The following SLC14A2 variants were observed in gnomAD, a reference collection of about 807,000 sequenced individuals.
SLC14A2 encodes solute carrier family 14 member 2.
Under a neutral mutation model 104.6 loss-of-function variants are expected in SLC14A2, and 91 were observed. The ratio of observed to expected loss-of-function variants is 0.87; its 90% confidence interval spans 0.73 to 1.04. The LOEUF is 1.04. SLC14A2 is among the 50% of genes least tolerant of loss of function. SLC14A2 has a pLI of 0.00. For missense variants in SLC14A2, 1,189 were observed against 1,156.0 expected, an observed-to-expected ratio of 1.03 and a Z score of -0.41; for synonymous variants, 476 against 466.4, an observed-to-expected ratio of 1.02 and a Z score of -0.27.
chr18:45,483,391 C>T (rs1320532328), intron 2 of SLC14A2: 1 of 152,124 alleles, frequency 6.6e-6, no homozygotes, highest in African/African-American at 2.4e-5. Context: ...AATAATTAAA[C>T]CATAAAAAAC....
intron 2 of SLC14A2, among the ~76,000 whole-genome samples, chr18:45,607,398 A>AT (rs1427935126): frequency 1.3e-5 from 2 of 152,184 alleles, no homozygotes. Context: ...TCTCTACATG[A>AT]TTCTACATGG....
intron 1 of SLC14A2, among the ~76,000 whole-genome samples, chr18:45,275,351 G>A (rs1033632763): frequency 2.6e-5 from 4 of 152,146 alleles, no homozygotes; most frequent in African/African-American, 9.7e-5. Flanking sequence ...CTCTCACAAA[G>A]AAAATATATA....
intron 1 of SLC14A2, among the ~76,000 whole-genome samples, chr18:45,284,175 TAC>T (rs1277652280): frequency 6.6e-6 from 1 of 152,208 alleles, no homozygotes; most frequent in Non-Finnish European, 1.5e-5. Context: ...AATCAGGCAT[TAC>T]AGTGTGTTAT....
chr18:45,341,316 A>G (rs957324969), intron 1 of SLC14A2, among the ~76,000 whole-genome samples: 1 of 152,226 alleles, frequency 6.6e-6, no homozygotes, highest in African/African-American at 2.4e-5. Flanking sequence ...ATTATTTGCC[A>G]GTTCCATATT....
At chr18:45,323,477 T>C (rs1009956916) in intron 1 of SLC14A2, among the ~76,000 whole-genome samples, 1 of 152,120 alleles carries the variant, frequency 6.6e-6, no homozygotes, top group Non-Finnish European at 1.5e-5. Flanking sequence ...GAAATGGAGG[T>C]TTAAGAAGTA....
chr18:45,436,746 T>A (rs1280064263), intron 1 of SLC14A2: 1 of 152,152 alleles, frequency 6.6e-6, no homozygotes, highest in Admixed American at 6.5e-5. Context: ...ATAGCTTCAG[T>A]AATTGGATAA....
intron 1 of SLC14A2, among the ~76,000 whole-genome samples, chr18:45,464,208 G>T (rs937062475): frequency 6.6e-6 from 1 of 152,188 alleles, no homozygotes; most frequent in Non-Finnish European, 1.5e-5. Flanking sequence ...CTGAGTTCTT[G>T]TCTGGTCTTT....
chr18:45,558,515 A>C (rs1455521455), intron 2 of SLC14A2, among the ~76,000 whole-genome samples: 2 of 152,226 alleles, frequency 1.3e-5, no homozygotes, highest in Non-Finnish European at 2.9e-5. Context: ...AAGTGGTCAG[A>C]AACTGAGTGT....
chr18:45,278,823 A>G (rs927139453), intron 1 of SLC14A2, among the ~76,000 whole-genome samples: 2 of 152,146 alleles, frequency 1.3e-5, no homozygotes, highest in African/African-American at 4.8e-5. Context: ...ATCGATTATA[A>G]TTTTCCACCC....
rs143477811 is a variant in SLC14A2 at position 45,273,944 on chromosome 18, A to C, written c.-125+60753A>C. ...ATTATGCTGTAAATGTGTTATATTTAACATTTAATGCATTTTATTTAATTT... is the reference window on the plus strand; with the variant it reads ...ATTATGCTGTAAATGTGTTATATTTCACATTTAATGCATTTTATTTAATTT... On this transcript the variant is annotated intron_variant, in intron 1 of 20. Coordinates refer to the SLC14A2 transcript ENST00000586448. Among the ~76,000 whole-genome samples, 172 of 152,334 alleles carry C rather than the reference A, an allele frequency of 1.1e-3. 1 individual carries two copies. Among genetic ancestry groups the C allele is most frequent in the African/African-American group, 3.9e-3 (162 of 41,578 alleles).
At chr18:45,377,897 A>G (rs919740580) in intron 1 of SLC14A2, among the ~76,000 whole-genome samples, 1 of 152,038 alleles carries the variant, frequency 6.6e-6, no homozygotes, top group African/African-American at 2.4e-5. Flanking sequence ...ACAGCTACCT[A>G]CCAGCCACCC....
chr18:45,185,078 G>A, the SLC14A2 span, among the ~76,000 whole-genome samples: 2 of 152,206 alleles, frequency 1.3e-5, no homozygotes, highest in African/African-American at 4.8e-5. Flanking sequence ...TGAGTGGAGA[G>A]CCAGTTCCCT....
At chr18:45,196,997 G>T in the SLC14A2 span, among the ~76,000 whole-genome samples, 4 of 152,214 alleles carry the variant, frequency 2.6e-5, no homozygotes, top group Non-Finnish European at 5.9e-5. Flanking sequence ...TTGGACTAAT[G>T]TTGGGATCAC....
intron 1 of SLC14A2, among the ~76,000 whole-genome samples, chr18:45,359,117 G>A (rs999707461): frequency 3.9e-5 from 6 of 152,184 alleles, no homozygotes; most frequent in Non-Finnish European, 7.3e-5. Context: ...ATACCAAGCA[G>A]CAATCCAATG....
intron 1 of SLC14A2, among the ~76,000 whole-genome samples, chr18:45,417,591 G>C (rs1410316120): frequency 6.6e-6 from 1 of 152,164 alleles, no homozygotes; most frequent in Non-Finnish European, 1.5e-5. Flanking sequence ...ATAGCAGCAT[G>C]GGGGGAACCG....
intron 1 of SLC14A2, chr18:45,447,363 A>G (rs1206395515): frequency 2.6e-5 from 4 of 152,254 alleles, no homozygotes; most frequent in African/African-American, 9.6e-5. Flanking sequence ...GAAGATGTGA[A>G]GCCAGAGAGG....
chr18:45,401,010 C>T (rs2086089970), intron 1 of SLC14A2, among the ~76,000 whole-genome samples: 1 of 152,166 alleles, frequency 6.6e-6, no homozygotes, highest in South Asian at 2.1e-4. Flanking sequence ...TCCCAAGGAT[C>T]CCTTGTTCTT....
chr18:45,563,314 G>A (rs1292800731), intron 2 of SLC14A2, among the ~76,000 whole-genome samples: 2 of 152,208 alleles, frequency 1.3e-5, no homozygotes, highest in East Asian at 3.8e-4. Context: ...TGCTGTGACC[G>A]GGAGCTCTCT....
chr18:45,204,105 T>C, the SLC14A2 span, among the ~76,000 whole-genome samples: 2 of 152,216 alleles, frequency 1.3e-5, no homozygotes, highest in Non-Finnish European at 1.5e-5. Flanking sequence ...TAATGTTCAT[T>C]CAAACAAAGG....
Sources: gnomAD v4.1 joint callset for allele counts (sites outside exome capture counted in the v4.1 genomes callset) on GRCh38, gnomAD v4.1.1 for gene constraint, MANE v1.5 for transcripts, NCBI Gene and HGNC (gene_info 2026-07-23, HGNC 2026-07-21) for gene names.